Variants in ZNF511 observed in about 807,000 individuals in gnomAD.
ZNF511 encodes the protein zinc finger protein 511.
A neutral mutation model predicts 24.8 loss-of-function variants in ZNF511; 26 were observed. The observed-to-expected ratio is 1.05, with a 90% CI of 0.77 to 1.46. The LOEUF is 1.46. Ranked by LOEUF, ZNF511 falls within the 40% of genes most tolerant of loss-of-function variation. The pLI is 0.00. For missense variants in ZNF511, 358 were observed against 345.0 expected, an observed-to-expected ratio of 1.04 and a Z score of -0.30; for synonymous variants, 144 against 139.6, an observed-to-expected ratio of 1.03 and a Z score of -0.22.
chr10:133,311,969 G>C, intron 5 of ZNF511, 128 bp downstream of exon 5: 1 of 1,610,868 alleles, frequency 6.2e-7, no homozygotes, highest in Non-Finnish European at 8.5e-7. Flanking sequence ...AAGAAAATCG[G>C]CTTCCGCCAG....
Position 133,309,006 on chromosome 10 carries a change from G to C in ZNF511, c.63G>C (p.Leu21=). ...LAAGPGAAEP[L]PVERDPAAGA... ...CGGGGCCCGGGGCGGCGGAGCCGCT[G>C]CCTGTAGAGCGGGATCCCGCGGCTG... The change falls in exon 1 of 6, where the codon CTG becomes CTC. Residue 21 remains leucine, a synonymous_variant. Coordinates refer to ENST00000361518, the MANE Select transcript of ZNF511 (RefSeq NM_145806.4). The C allele has an allele frequency of 8.0e-7, 1 of 1,252,058 alleles. No individual in the cohort carries two copies. The highest frequency in any genetic ancestry group is 1.0e-6 in the Non-Finnish European group (1 of 991,154). 77.6% of individuals were successfully genotyped at this position (1,252,058 alleles called of 1,614,324 possible).
At chr10:133,310,361 T>C in intron 4 of ZNF511, 73 bp downstream of exon 4, 1 of 1,587,210 alleles carries the variant, frequency 6.3e-7, no homozygotes, top group South Asian at 1.1e-5. Flanking sequence ...CCGGAATGCA[T>C]AGACGGTCAG....
intron 1 of ZNF511, 119 bp from the exon 2 acceptor site, chr10:133,309,271 T>G (rs1847926745): frequency 7.3e-7 from 1 of 1,374,422 alleles, no homozygotes; most frequent in African/African-American, 1.4e-5. Context: ...GGGCGGGGCC[T>G]GAGGCTGTGG....
Position 133,313,106 on chromosome 10 carries a change from C to A in ZNF511, c.*240C>A. 1.1e-6 allele frequency: 1 copy of A among 916,792 alleles called. No individual in the cohort carries two copies. The highest frequency in any genetic ancestry group is 1.5e-6 in the Non-Finnish European group (1 of 646,376). 56.8% of individuals were successfully genotyped at this position (916,792 alleles called of 1,614,324 possible). A position where few individuals can be genotyped will look rare whatever the true frequency, so the allele number is the denominator to read the frequency against. ...GATGTGGACGGCCTGTCTCCTCCTG[C>A]AGGGCCCACCCTAAGAATGTATTTT... On this transcript the variant is annotated 3_prime_UTR_variant, in exon 6 of 6. Coordinates refer to ENST00000361518, the MANE Select transcript of ZNF511 (RefSeq NM_145806.4).
At chr10:133,310,535 G>A (rs1461803430) in intron 4 of ZNF511, 3 of 539,322 alleles carry the variant, frequency 5.6e-6, no homozygotes, top group Non-Finnish European at 1.0e-5. Flanking sequence ...GCAGCAGAGG[G>A]GGTGTGGGAA....
rs867558641 is a variant in ZNF511, at chr10:133,310,234, G to A, written c.500G>A (p.Arg167Lys). 2 of 1,614,066 alleles carry A rather than the reference G, an allele frequency of 1.2e-6. No homozygotes were observed. The highest frequency in any genetic ancestry group is 2.7e-5 in the African/African-American group (2 of 75,056). Residue 167 changes from arginine (R) to lysine (K), a missense_variant, in exon 4 of 6, where the codon AGG becomes AAG. Coordinates refer to ENST00000361518, the MANE Select transcript of ZNF511 (RefSeq NM_145806.4). ...AGAGACCGGAAGGATCACATGGTGA[G>A]GATGCACCTGTACCCCGCGGACTTC... ...TSRDRKDHMV[R>K]MHLYPADFRF...
At chr10:133,310,474 G>A (rs1029596421) in intron 4 of ZNF511, 186 bp downstream of exon 4, 49 of 733,784 alleles carry the variant, frequency 6.7e-5, no homozygotes, top group South Asian at 2.4e-4. Context: ...CCACCCTGCC[G>A]AAGGGAGGCT....
chr10:133,309,740 C>T (rs1363209463), intron 2 of ZNF511, 36 bp from the exon 3 acceptor site: 7 of 1,609,160 alleles, frequency 4.4e-6, no homozygotes, highest in Non-Finnish European at 5.9e-6. Flanking sequence ...TTCCTCGCAC[C>T]GGAGGAAGGG....
At position 133,309,954 on chromosome 10, in the gene ZNF511, A is replaced by T. The variant is rs773273565; in HGVS notation, c.406A>T (p.Ile136Phe). The T allele has an allele frequency of 9.3e-6, 15 of 1,613,082 alleles. No individual in the cohort carries two copies. The East Asian group carries it at 3.3e-4, about 36-fold the overall frequency. ...ILEWHDSLFQ[I>F]LSERQDMYQC... is the part of the protein sequence containing the mutation. Reference sequence around the variant, plus strand: ...GGAGTGGCACGATTCGCTCTTCCAGATCCTGTCTGAGAGGCAGGACATGGT... The same window carrying T: ...GGAGTGGCACGATTCGCTCTTCCAGTTCCTGTCTGAGAGGCAGGACATGGT... The change falls in exon 3 of 6, where the codon ATC becomes TTC. Residue 136 changes from isoleucine (I) to phenylalanine (F), a missense_variant. Transcript: ENST00000361518.
At chr10:133,312,173 C>T (rs770403029) in intron 5 of ZNF511, 24 of 1,416,512 alleles carry the variant, frequency 1.7e-5, no homozygotes, top group East Asian at 2.8e-5. Flanking sequence ...TCACCTGTGC[C>T]GTCTGCGTTT....
At position 133,309,947 on chromosome 10, in the gene ZNF511, C is replaced by T. The variant is rs1847950477; in HGVS notation, c.399C>T (p.Leu133=). 11 of 1,613,260 alleles carry T rather than the reference C, an allele frequency of 6.8e-6. No individual in the cohort carries two copies. The highest frequency in any genetic ancestry group is 4.0e-5 in the African/African-American group (3 of 74,948). Residue 133 remains leucine, a synonymous_variant, in exon 3 of 6, where the codon CTC becomes CTT. Coordinates refer to ENST00000361518, the MANE Select transcript of ZNF511 (RefSeq NM_145806.4). ...ACATCCTGGAGTGGCACGATTCGCTCTTCCAGATCCTGTCTGAGAGGCAGG... is the reference window on the plus strand; with the variant it reads ...ACATCCTGGAGTGGCACGATTCGCTTTTCCAGATCCTGTCTGAGAGGCAGG... The part of the protein sequence containing the change: ...DAHILEWHDS[L]FQILSERQDM...
chr10:133,310,015 A>AT lies in ZNF511; in HGVS notation c.429+40dup, dbSNP rs756090559. 6 of 1,611,238 alleles carry AT rather than the reference A, an allele frequency of 3.7e-6. No homozygotes were observed. The Admixed American group carries it at 1.0e-4, about 27-fold the overall frequency. On this transcript the variant is annotated intron_variant, in intron 3 of 5. Transcript: ENST00000361518. ...TGCACAGCCGCCGAGGCCACCCCCC[A>AT]TTGGTGATGGGCTCAGAGTGCTGCC...
chr10:133,309,606 A>G, intron 2 of ZNF511, 143 bp downstream of exon 2: 1 of 1,269,046 alleles, frequency 7.9e-7, no homozygotes, highest in Non-Finnish European at 1.1e-6. Flanking sequence ...GGCGTGGCCG[A>G]CTCTTCCACC....
intron 4 of ZNF511, chr10:133,310,562 C>G (rs764789186): frequency 4.2e-6 from 2 of 474,834 alleles, no homozygotes; most frequent in Non-Finnish European, 7.7e-6. Flanking sequence ...GGCGCAGCGC[C>G]TCCGCACTCA....
chr10:133,312,829 G>T lies in ZNF511; in HGVS notation c.722G>T (p.Gly241Val), dbSNP rs756515832. 2.0e-5 allele frequency: 32 copies of T among 1,614,106 alleles called. No individual in the cohort carries two copies. The highest frequency in any genetic ancestry group is 1.6e-4 in the Middle Eastern group (1 of 6,084). ...TICFGQGAARGFKSNKKKTKQ... is the reference protein window; with the variant it reads ...TICFGQGAARVFKSNKKKTKQ... Reference sequence around the variant, plus strand: ...TGCTTTGGTCAGGGTGCCGCTCGAGGATTTAAAAGCAACAAGAAGAAAACC... The same window carrying T: ...TGCTTTGGTCAGGGTGCCGCTCGAGTATTTAAAAGCAACAAGAAGAAAACC... Residue 241 changes from glycine (G) to valine (V), a missense_variant, in exon 6 of 6, where the codon GGA becomes GTA. Transcript: ENST00000361518.
chr10:133,311,990 C>T (rs773382171), intron 5 of ZNF511, 149 bp downstream of exon 5: 1 of 1,605,624 alleles, frequency 6.2e-7, no homozygotes, highest in Non-Finnish European at 8.5e-7. Context: ...AGAAGAAAGT[C>T]CAGATATCTC....
intron 5 of ZNF511, 52 bp downstream of exon 5, chr10:133,311,893 G>A (rs758100019): frequency 1.9e-6 from 3 of 1,613,086 alleles, no homozygotes; most frequent in Non-Finnish European, 2.5e-6. Context: ...GTTCGGTGCT[G>A]AGGATTCTGG....
Position 133,310,272 on chromosome 10 carries a change from C to A in ZNF511, c.538C>A (p.Pro180Thr). The A allele has an allele frequency of 1.9e-6, 3 of 1,613,978 alleles. No individual in the cohort carries two copies. Among genetic ancestry groups the A allele is most frequent in the Non-Finnish European group, 2.5e-6 (3 of 1,180,042 alleles). ...LYPADFRFDKPKKSRSPASAE... is the reference protein window; with the variant it reads ...LYPADFRFDKTKKSRSPASAE... ...CCCCGCGGACTTCCGGTTTGATAAG[C>A]CAAAGAAAAGCAGAAGGTAGGGAGC... Residue 180 changes from proline (P) to threonine (T), a missense_variant, in exon 4 of 6, where the codon CCA becomes ACA. Pro to Thr is a conservative substitution (Grantham distance 38, BLOSUM62 -1). Coordinates refer to ENST00000361518, the MANE Select transcript of ZNF511 (RefSeq NM_145806.4).
At position 133,308,952 on chromosome 10, in the gene ZNF511, G is replaced by T. The variant is rs927776215; in HGVS notation, c.9G>T (p.Leu3Phe). 14 of 1,233,598 alleles carry T rather than the reference G, an allele frequency of 1.1e-5. No individual in the cohort carries two copies. In the Admixed American group the frequency reaches 1.7e-4, roughly 15 times the overall value. 76.4% of individuals were successfully genotyped at this position (1,233,598 alleles called of 1,614,324 possible). A position where few individuals can be genotyped will look rare whatever the true frequency, so the allele number is the denominator to read the frequency against. ...CGCCCGCGCCCGGGGTGATGCAGTT[G>T]CCCCCCGCGCTGTGCGCCCGCCTCG... Reference protein sequence around the residue: MQLPPALCARLAA... With the variant: MQFPPALCARLAA... Residue 3 changes from leucine (L) to phenylalanine (F), a missense_variant, in exon 1 of 6, where the codon TTG becomes TTT. Transcript: ENST00000361518.
Sources: allele counts gnomAD v4.1 joint callset, GRCh38; gene constraint gnomAD v4.1.1; transcripts MANE v1.5; gene names NCBI Gene and HGNC (gene_info 2026-07-23, HGNC 2026-07-21).